Variants in RGS21 observed in about 807,000 individuals in gnomAD.
RGS21 encodes regulator of G-protein signalling 21.
In RGS21, 19 loss-of-function variants were observed where a neutral mutation model predicts 18.7. The observed-to-expected ratio is 1.01, with a 90% CI of 0.71 to 1.49. The LOEUF (loss-of-function observed/expected upper bound fraction) is 1.49. RGS21 is among the 40% of genes most tolerant of loss of function. The probability of loss-of-function intolerance (pLI) is 0.00; values close to 1 mark genes in which losing one functional copy is unlikely to be tolerated. For missense variants in RGS21, 194 were observed against 176.8 expected (o/e 1.10, Z -0.55); for synonymous variants, 56 against 57.8 (o/e 0.97, Z 0.14).
chr1:192,350,272 A>T (rs1659021257), intron 3 of RGS21, among the ~76,000 whole-genome samples: 1 of 152,192 alleles, frequency 6.6e-6, no homozygotes, highest in African/African-American at 2.4e-5. Flanking sequence ...AAAATCTGTT[A>T]AATCTATTTT....
intron 1 of RGS21, among the ~76,000 whole-genome samples, chr1:192,337,241 T>C (rs1658783360): frequency 6.6e-6 from 1 of 152,094 alleles, no homozygotes; most frequent in Non-Finnish European, 1.5e-5. Context: ...TTTGAAATGC[T>C]AGAATTTACA....
chr1:192,350,828 A>T (rs1659030484), intron 3 of RGS21, among the ~76,000 whole-genome samples: 1 of 152,166 alleles, frequency 6.6e-6, no homozygotes, highest in Admixed American at 6.6e-5. Context: ...GGGTATGCCA[A>T]AGAAAAATGT....
chr1:192,344,547 T>G (rs1054716129), intron 2 of RGS21, among the ~76,000 whole-genome samples: 4 of 152,106 alleles, frequency 2.6e-5, no homozygotes, highest in African/African-American at 9.7e-5. Context: ...AGTTGTGCAT[T>G]TTAGTGCTAT....
At chr1:192,321,652 G>C (rs936449787) in intron 1 of RGS21, among the ~76,000 whole-genome samples, 2 of 151,760 alleles carry the variant, frequency 1.3e-5, no homozygotes, top group African/African-American at 4.8e-5. Flanking sequence ...TTAATCATTT[G>C]TATATTTATA....
At chr1:192,322,722 G>A (rs1053925728) in intron 1 of RGS21, among the ~76,000 whole-genome samples, 4 of 151,970 alleles carry the variant, frequency 2.6e-5, no homozygotes, top group African/African-American at 9.7e-5. Flanking sequence ...ACTGCCTATT[G>A]TCCTATTTGT....
At chr1:192,331,766 C>T (rs896999382) in intron 1 of RGS21, among the ~76,000 whole-genome samples, 8 of 151,696 alleles carry the variant, frequency 5.3e-5, no homozygotes, top group Non-Finnish European at 1.2e-4. Context: ...GAAACATTTA[C>T]TACTTTAAAT....
intron 4 of RGS21, among the ~76,000 whole-genome samples, chr1:192,358,072 C>T (rs1210309986): frequency 1.3e-5 from 2 of 151,936 alleles, no homozygotes; most frequent in African/African-American, 4.8e-5. Context: ...TCCAGTGTAG[C>T]TGTAGCTTTT....
intron 1 of RGS21, 113 bp downstream of exon 1, chr1:192,317,218 GC>G (rs1168163282): frequency 6.6e-6 from 1 of 151,836 alleles, no homozygotes; most frequent in Non-Finnish European, 1.5e-5. Flanking sequence ...ATCAAACTCA[GC>G]GAGTTTGGAA....
rs138142611 is a variant in RGS21 at position 192,346,177 on chromosome 1, G to C, written c.12-1136G>C. Among the ~76,000 whole-genome samples the C allele has an allele frequency of 4.3e-3, 651 of 152,120 alleles. 3 individuals are homozygous for C. Among genetic ancestry groups the C allele is most frequent in the African/African-American group, 0.015 (620 of 41,542 alleles). ...TTCTTAGCTACAGTGTCCTCTCTAT[G>C]TGTCCTTAATGAGGATGACCATTAT... On this transcript the variant is annotated intron_variant, in intron 2 of 4. Transcript: ENST00000417209.
intron 1 of RGS21, 103 bp from the exon 2 acceptor site, chr1:192,342,874 A>G (rs1658891335): frequency 1.6e-6 from 1 of 606,188 alleles, no homozygotes. Context: ...TAACAAAAAT[A>G]AAAAAGCTGA....
chr1:192,347,193 AT>A, intron 2 of RGS21, 119 bp from the exon 3 acceptor site: 1 of 649,338 alleles, frequency 1.5e-6, no homozygotes, highest in Non-Finnish European at 2.8e-6. Context: ...ATTTTTTGAC[AT>A]TTGGCTGTTT....
chr1:192,333,304 T>C (rs1434339328), intron 1 of RGS21, among the ~76,000 whole-genome samples: 1 of 100,814 alleles, frequency 9.9e-6, no homozygotes, highest in Non-Finnish European at 2.0e-5. Flanking sequence ...ACACACACAC[T>C]TACCATAGGA....
At chr1:192,359,736 A>T (rs1203272527) in intron 4 of RGS21, among the ~76,000 whole-genome samples, 2 of 146,542 alleles carry the variant, frequency 1.4e-5, no homozygotes, top group Admixed American at 1.4e-4. Context: ...TTATATATAG[A>T]GAGACAGTTA....
At chr1:192,337,589 G>T (rs1156770325) in intron 1 of RGS21, among the ~76,000 whole-genome samples, 1 of 152,086 alleles carries the variant, frequency 6.6e-6, no homozygotes, top group Non-Finnish European at 1.5e-5. Context: ...TAGTTTAACG[G>T]ATGCTGTGTA....
At chr1:192,352,631 TA>T (rs1659060468) in intron 4 of RGS21, among the ~76,000 whole-genome samples, 1 of 152,028 alleles carries the variant, frequency 6.6e-6, no homozygotes, top group South Asian at 2.1e-4. Flanking sequence ...AAAAACAAAG[TA>T]ATGTGTGGGG....
intron 1 of RGS21, among the ~76,000 whole-genome samples, chr1:192,341,328 T>G (rs1658858658): frequency 6.6e-6 from 1 of 152,090 alleles, no homozygotes; most frequent in African/African-American, 2.4e-5. Flanking sequence ...ACAGACATCT[T>G]TTCAGGGAGG....
intron 1 of RGS21, among the ~76,000 whole-genome samples, chr1:192,327,687 G>C (rs1658586386): frequency 6.6e-6 from 1 of 151,954 alleles, no homozygotes; most frequent in Admixed American, 6.6e-5. Flanking sequence ...TGGCCAGGCT[G>C]GTCTTGAACT....
intron 3 of RGS21, 101 bp from the exon 4 acceptor site, chr1:192,351,946 C>A (rs1163922905): frequency 6.4e-6 from 4 of 628,886 alleles, no homozygotes; most frequent in Admixed American, 3.5e-5. Flanking sequence ...ATATTTGCCA[C>A]TGAATATCCA....
chr1:192,330,016 C>T (rs902476579), intron 1 of RGS21, among the ~76,000 whole-genome samples: 1 of 151,872 alleles, frequency 6.6e-6, no homozygotes, highest in Non-Finnish European at 1.5e-5. Context: ...ATTTCTACGT[C>T]CAACATTGTT....
Sources: allele counts gnomAD v4.1 joint callset (sites outside exome capture counted in the v4.1 genomes callset), GRCh38; gene constraint gnomAD v4.1.1; transcripts MANE v1.5; gene names NCBI Gene and HGNC (gene_info 2026-07-23, HGNC 2026-07-21).